The following TNRC6A variants were observed in gnomAD, a reference collection of about 807,000 sequenced individuals.
TNRC6A encodes trinucleotide repeat-containing gene 6A protein.
In TNRC6A, 44 loss-of-function variants were observed where a neutral mutation model predicts 221.2. The ratio of observed to expected loss-of-function variants is 0.20; its 90% confidence interval spans 0.16 to 0.26. The LOEUF (loss-of-function observed/expected upper bound fraction) is 0.26. TNRC6A is among the 10% of genes least tolerant of loss of function. The pLI, the probability that TNRC6A is intolerant of heterozygous loss-of-function variation, is 1.00. For synonymous variants in TNRC6A, 847 were observed against 838.5 expected, an observed-to-expected ratio of 1.01 and a Z score of -0.18; for missense variants, 2,199 against 2,404.4, an observed-to-expected ratio of 0.91 and a Z score of 1.79.
rs777993383 is a variant in TNRC6A at position 24,790,482 on chromosome 16, A to T, written c.1840A>T (p.Ser614Cys). ...ACAAAACACTGGCACTAATTTACCC[A>T]GCGTTGAGTGGAACAAACTGCCTAG... ...PAQNTGTNLP[S>C]VEWNKLPSNQ... Residue 614 changes from serine (S) to cysteine (C), a missense_variant, in exon 6 of 25, where the codon AGC (serine) becomes TGC (cysteine). Physicochemically the swap from Ser to Cys is moderately radical, Grantham distance 112 (BLOSUM62 -1). Transcript: ENST00000395799. 6.8e-6 allele frequency: 11 copies of T among 1,614,120 alleles called. No individual in the cohort carries two copies. In the Admixed American group the frequency reaches 1.8e-4, roughly 27 times the overall value.
chr16:24,730,595 A>G lies in TNRC6A; in HGVS notation c.53+295A>G, dbSNP rs111607135. The stretch of plus-strand genomic sequence containing the variant: ...TTAGGGGACTTGTGCATTAATTACT[A>G]TTGTAAATGGTTGCAGGCATTGTGT... On this transcript the variant is annotated intron_variant, in intron 2 of 24. Coordinates refer to ENST00000395799, the MANE Select transcript of TNRC6A (RefSeq NM_014494.4). Among the ~76,000 whole-genome samples the G allele has an allele frequency of 8.6e-5, 13 of 152,044 alleles. 1 individual carries two copies. The highest frequency in any genetic ancestry group is 2.9e-4 in the African/African-American group (12 of 41,456).
chr16:24,729,102 C>G (rs143841368), upstream of TNRC6A, among the ~76,000 whole-genome samples: 161 of 152,150 alleles, frequency 1.1e-3, no homozygotes, highest in Middle Eastern at 3.4e-3. Flanking sequence ...GGCGGAACTG[C>G]TGAGTCAAAG....
chr16:24,801,609 T>G (rs2058332863), intron 11 of TNRC6A, among the ~76,000 whole-genome samples: 1 of 142,934 alleles, frequency 7.0e-6, no homozygotes, highest in African/African-American at 2.6e-5. Flanking sequence ...CACTGCAACC[T>G]CTGCCTCCCA....
Position 24,807,040 on chromosome 16 carries a change from C to T in TNRC6A, c.4540+256C>T, listed in dbSNP as rs112961519. 4.2e-3 allele frequency among the ~76,000 whole-genome samples: 628 copies of T among 150,004 alleles called. 5 individuals are homozygous for T. Among genetic ancestry groups the T allele is most frequent in the African/African-American group, 0.015 (603 of 40,784 alleles). Reference sequence around the variant, plus strand: ...TTTTTTTTTAGGACAGAGTCTTGCTCTGTCACCCAGGGTGGAGTGCAGTGG... The same window carrying T: ...TTTTTTTTTAGGACAGAGTCTTGCTTTGTCACCCAGGGTGGAGTGCAGTGG... On this transcript the variant is annotated intron_variant, in intron 17 of 24. Coordinates refer to ENST00000395799, the MANE Select transcript of TNRC6A (RefSeq NM_014494.4).
intron 2 of TNRC6A, among the ~76,000 whole-genome samples, chr16:24,746,024 C>G (rs947717449): frequency 7.2e-5 from 11 of 152,090 alleles, no homozygotes; most frequent in African/African-American, 1.9e-4. Context: ...GTCATGCTGA[C>G]AAGTCTCCAT....
intron 3 of TNRC6A, among the ~76,000 whole-genome samples, chr16:24,754,259 G>A (rs1031889338): frequency 6.6e-6 from 1 of 152,000 alleles, no homozygotes; most frequent in South Asian, 2.1e-4. Context: ...GCCTTACAAC[G>A]ATATTTTCGT....
intron 5 of TNRC6A, among the ~76,000 whole-genome samples, chr16:24,779,459 A>G (rs1048922166): frequency 1.3e-5 from 2 of 152,202 alleles, no homozygotes; most frequent in African/African-American, 4.8e-5. Context: ...TGTTACTAGG[A>G]TTGGTAATAG....
chr16:24,636,395 G>T (rs1901638138), intron 1 of TNRC6A, among the ~76,000 whole-genome samples: 1 of 149,186 alleles, frequency 6.7e-6, no homozygotes. Context: ...TTTTGAGACA[G>T]GATCTTGCTC....
rs1567475363 is a variant in TNRC6A at position 24,789,362 on chromosome 16, CT to C, written c.721del (p.Ser241GlnfsTer56). The C allele has an allele frequency of 3.1e-6, 5 of 1,614,080 alleles. No homozygotes were observed. Among genetic ancestry groups the C allele is most frequent in the Non-Finnish European group, 3.4e-6 (4 of 1,180,064 alleles). On this transcript the variant is annotated frameshift_variant, in exon 6 of 25. Coordinates refer to ENST00000395799, the MANE Select transcript of TNRC6A (RefSeq NM_014494.4). LOFTEE classifies it high-confidence loss of function. ...ACTTGTCGGAAAAAGAAGCATGGCC[CT>C]CAGCCCCTGGCAGTGATCCGGAGTT... ...SDLSEKEAWPSAPGSDPELAS... is the reference protein window; with the variant it reads ...SDLSEKEAWPXAPGSDPELAS...
At chr16:24,638,756 T>A (rs193294000) in intron 1 of TNRC6A, among the ~76,000 whole-genome samples, 148 of 152,154 alleles carry the variant, frequency 9.7e-4, no homozygotes, top group African/African-American at 3.5e-3. Context: ...GATGAATCCC[T>A]GTAATCTCTA....
chr16:24,674,618 T>G (rs1455924902), intron 2 of TNRC6A, among the ~76,000 whole-genome samples: 1 of 151,930 alleles, frequency 6.6e-6, no homozygotes, highest in South Asian at 2.1e-4. Flanking sequence ...GCAAATTCAA[T>G]GTATTGTGAC....
intron 4 of TNRC6A, among the ~76,000 whole-genome samples, chr16:24,773,523 C>T (rs767281960): frequency 1.6e-4 from 25 of 152,160 alleles, no homozygotes; most frequent in Non-Finnish European, 3.4e-4. Context: ...GTATGGCATG[C>T]ATGTGTGTGT....
At chr16:24,640,567 A>AAAATAC (rs555556443) in intron 1 of TNRC6A, among the ~76,000 whole-genome samples, 103 of 151,978 alleles carry the variant, frequency 6.8e-4, no homozygotes, top group African/African-American at 2.4e-3. Context: ...ATCTCTACCA[A>AAAATAC]AAATACAAAA....
At chr16:24,805,467 AAGACAG>A in intron 14 of TNRC6A, 132 bp from the exon 15 acceptor site, 1 of 1,264,094 alleles carries the variant, frequency 7.9e-7, no homozygotes, top group African/African-American at 1.5e-5. Flanking sequence ...GTCAGTTAGT[AAGACAG>A]AGACAAAGAC....
chr16:24,683,742 G>T (rs1360900932), intron 2 of TNRC6A, among the ~76,000 whole-genome samples: 1 of 152,182 alleles, frequency 6.6e-6, no homozygotes, highest in Non-Finnish European at 1.5e-5. Context: ...TTCCTCATCT[G>T]TAAAGTAAGG....
intron 4 of TNRC6A, among the ~76,000 whole-genome samples, chr16:24,771,274 T>C (rs2057585184): frequency 6.6e-6 from 1 of 152,216 alleles, no homozygotes. Flanking sequence ...TCTCAGTGTT[T>C]CAGAGTATAA....
chr16:24,688,927 C>A (rs2055695075), intron 2 of TNRC6A, among the ~76,000 whole-genome samples: 1 of 152,124 alleles, frequency 6.6e-6, no homozygotes, highest in Non-Finnish European at 1.5e-5. Context: ...CATGGCCAGG[C>A]ACAGTGGCTC....
intron 11 of TNRC6A, among the ~76,000 whole-genome samples, chr16:24,802,766 G>A (rs943913378): frequency 1.3e-5 from 2 of 152,202 alleles, no homozygotes; most frequent in African/African-American, 2.4e-5. Flanking sequence ...TTTGTCAGCC[G>A]CAGAGTATCC....
intron 2 of TNRC6A, among the ~76,000 whole-genome samples, chr16:24,749,215 G>A (rs958609789): frequency 2.0e-5 from 3 of 152,134 alleles, no homozygotes; most frequent in Non-Finnish European, 4.4e-5. Flanking sequence ...AGTTTCTTCC[G>A]CCTTTGCAAA....
Sources: allele counts gnomAD v4.1 joint callset (sites outside exome capture counted in the v4.1 genomes callset), GRCh38; gene constraint gnomAD v4.1.1; transcripts MANE v1.5; gene names NCBI Gene and HGNC (gene_info 2026-07-23, HGNC 2026-07-21).